MAD1L1: variants seen among roughly 807,000 people sequenced by gnomAD.
The protein encoded by MAD1L1 is mitotic spindle assembly checkpoint protein MAD1.
MAD1L1 carries 95 observed loss-of-function variants against 96.9 expected under a neutral mutation model. That is an observed-to-expected ratio of 0.98 (90% confidence interval 0.83 to 1.16). The LOEUF (loss-of-function observed/expected upper bound fraction) is 1.16, where lower values mean the gene tolerates loss of function less well. MAD1L1 is among the 50% of genes most tolerant of loss of function. MAD1L1 has a pLI of 0.00. For missense variants in MAD1L1, 1,007 were observed against 954.4 expected, an observed-to-expected ratio of 1.06 and a Z score of -0.73; for synonymous variants, 473 against 396.6, an observed-to-expected ratio of 1.19 and a Z score of -2.29.
At chr7:2,175,493 CAAAAAAAAAAAA>C (rs143638196) in intron 10 of MAD1L1, 1 of 90,932 alleles carries the variant, frequency 1.1e-5, no homozygotes, top group Non-Finnish European at 2.2e-5. Flanking sequence ...GAACCTTTGC[CAAAAAAAAAAAA>C]AAAAAAAAAA....
chr7:2,017,887 G>C (rs2128499733), intron 12 of MAD1L1, among the ~76,000 whole-genome samples: 1 of 152,242 alleles, frequency 6.6e-6, no homozygotes, highest in Non-Finnish European at 1.5e-5. Context: ...AGTGCCCTTG[G>C]AAGAAGAAAC....
chr7:1,980,206 G>A (rs1279371715), intron 15 of MAD1L1, among the ~76,000 whole-genome samples: 4 of 151,972 alleles, frequency 2.6e-5, no homozygotes, highest in African/African-American at 7.3e-5. Context: ...TGGGGGACAC[G>A]CCTGAGCATG....
chr7:1,974,501 T>C (rs569516615), intron 15 of MAD1L1, among the ~76,000 whole-genome samples: 13 of 151,980 alleles, frequency 8.6e-5, no homozygotes, highest in African/African-American at 3.1e-4. Context: ...GCTTTATACA[T>C]AAAAGAATCC....
intron 13 of MAD1L1, among the ~76,000 whole-genome samples, chr7:2,008,771 A>AG (rs5881916): frequency 0.41 from 50,258 of 123,660 alleles, 10,357 homozygotes; most frequent in East Asian, 0.66. Context: ...CAGGAAGCTC[A>AG]GGGGGGGAAG....
chr7:1,995,282 G>A (rs1015043435), intron 14 of MAD1L1, among the ~76,000 whole-genome samples: 3 of 152,104 alleles, frequency 2.0e-5, no homozygotes, highest in African/African-American at 4.8e-5. Context: ...TGGTGAACGG[G>A]CAGCGAGCCT....
chr7:2,228,629 C>T (rs1460939313), intron 3 of MAD1L1, among the ~76,000 whole-genome samples: 2 of 141,984 alleles, frequency 1.4e-5, no homozygotes, highest in Non-Finnish European at 3.0e-5. Flanking sequence ...CACAAAAGAA[C>T]ATTTACATAA....
At chr7:1,903,408 T>C (rs1300493316) in intron 17 of MAD1L1, among the ~76,000 whole-genome samples, 1 of 149,390 alleles carries the variant, frequency 6.7e-6, no homozygotes, top group Non-Finnish European at 1.5e-5. Flanking sequence ...GAAGACGTTC[T>C]TGCGGAACTC....
At chr7:1,855,695 C>T (rs2128643864) in intron 18 of MAD1L1, among the ~76,000 whole-genome samples, 1 of 152,302 alleles carries the variant, frequency 6.6e-6, no homozygotes, top group African/African-American at 2.4e-5. Context: ...CTCCACAGTG[C>T]TCCTCCCTTC....
intron 12 of MAD1L1, among the ~76,000 whole-genome samples, chr7:2,065,558 G>A (rs1015393261): frequency 3.3e-5 from 5 of 152,196 alleles, no homozygotes; most frequent in East Asian, 3.9e-4. Flanking sequence ...GGAGGTGGCC[G>A]AGGAACGTGC....
chr7:1,873,880 G>T lies in MAD1L1; in HGVS notation c.1998+24320C>A, dbSNP rs147293800. Among the ~76,000 whole-genome samples, 6 of 152,310 alleles carry T rather than the reference G, an allele frequency of 3.9e-5. No homozygotes were observed. In the East Asian group the frequency reaches 1.2e-3, roughly 29 times the overall value. On this transcript the variant is annotated intron_variant, in intron 18 of 18. Transcript: ENST00000265854. ...CTGAAACTGCTCCCCGTGGCTGAAC[G>T]AGAATGGATGCTGAGCCCATCAAGT...
intron 11 of MAD1L1, among the ~76,000 whole-genome samples, chr7:2,145,058 G>A (rs1208370932): frequency 1.3e-5 from 2 of 152,140 alleles, no homozygotes; most frequent in African/African-American, 4.8e-5. Context: ...CCCTCCTGGA[G>A]CGCCTTACGG....
chr7:2,019,628 G>A (rs1423686372), intron 12 of MAD1L1, among the ~76,000 whole-genome samples: 1 of 152,176 alleles, frequency 6.6e-6, no homozygotes, highest in Non-Finnish European at 1.5e-5. Context: ...AGGGGTTGGG[G>A]GTGGGGGTCG....
chr7:2,156,993 G>T (rs1174687792), intron 10 of MAD1L1, among the ~76,000 whole-genome samples: 1 of 152,176 alleles, frequency 6.6e-6, no homozygotes, highest in African/African-American at 2.4e-5. Context: ...ACTGCCTGCG[G>T]TTCTCTGTCA....
intron 16 of MAD1L1, among the ~76,000 whole-genome samples, chr7:1,944,356 C>T (rs894255935): frequency 6.6e-6 from 1 of 152,108 alleles, no homozygotes; most frequent in African/African-American, 2.4e-5. Flanking sequence ...GGACGAGGTA[C>T]GTGGAATGTG....
rs549877105 is a variant in MAD1L1 at position 2,082,802 on chromosome 7, G to A, written c.1074-13464C>T. On this transcript the variant is annotated intron_variant, in intron 11 of 18. Transcript: ENST00000265854. ...TTGATGGAGCCCGGCGCCTGCACTC[G>A]GCCCAGCCTCCGCCCACGCCTGTGC... Among the ~76,000 whole-genome samples the A allele has an allele frequency of 3.5e-4, 54 of 152,340 alleles. 1 individual carries two copies. Among genetic ancestry groups the A allele is most frequent in the Middle Eastern group, 3.4e-3 (1 of 294 alleles).
intron 18 of MAD1L1, among the ~76,000 whole-genome samples, chr7:1,863,443 G>A (rs1455081445): frequency 6.6e-6 from 1 of 152,262 alleles, no homozygotes; most frequent in Non-Finnish European, 1.5e-5. Flanking sequence ...GGGCCTCTGT[G>A]AGGAGAAAGA....
At chr7:2,145,233 C>A (rs1229707292) in intron 11 of MAD1L1, among the ~76,000 whole-genome samples, 1 of 152,092 alleles carries the variant, frequency 6.6e-6, no homozygotes, top group Non-Finnish European at 1.5e-5. Context: ...CAAGCAGCCC[C>A]ACAGACACTC....
chr7:2,162,082 G>A (rs1019556668), intron 10 of MAD1L1, among the ~76,000 whole-genome samples: 3 of 152,172 alleles, frequency 2.0e-5, no homozygotes, highest in Admixed American at 1.3e-4. Flanking sequence ...ACCCCGTCTG[G>A]GAGGTGTATC....
chr7:1,915,917 C>T (rs1055176235), intron 17 of MAD1L1, among the ~76,000 whole-genome samples: 9 of 152,204 alleles, frequency 5.9e-5, no homozygotes, highest in African/African-American at 1.4e-4. Context: ...ATTCGTTATA[C>T]TTCATCGAGA....
Sources: allele counts gnomAD v4.1 joint callset (sites outside exome capture counted in the v4.1 genomes callset), GRCh38; gene constraint gnomAD v4.1.1; transcripts MANE v1.5; gene names NCBI Gene and HGNC (gene_info 2026-07-23, HGNC 2026-07-21).